Variants in VPS13C observed in about 807,000 individuals in gnomAD.
VPS13C encodes vacuolar protein sorting 13 homolog C, also known as intermembrane lipid transfer protein VPS13C.
Under a neutral mutation model 456.8 loss-of-function variants are expected in VPS13C, and 358 were observed. That is an observed-to-expected ratio of 0.78 (90% CI 0.72 to 0.86). VPS13C has a LOEUF of 0.86. Among genes scored for constraint, VPS13C ranks in the 40% least tolerant of loss-of-function variants. The pLI is 0.00. For missense variants in VPS13C, 4,818 were observed against 4,385.4 expected, an observed-to-expected ratio of 1.10 and a Z score of -2.79; for synonymous variants, 1,578 against 1,486.7, an observed-to-expected ratio of 1.06 and a Z score of -1.41.
At chr15:61,973,911 A>G (rs1231105901) in intron 25 of VPS13C, among the ~76,000 whole-genome samples, 1 of 152,082 alleles carries the variant, frequency 6.6e-6, no homozygotes, top group Non-Finnish European at 1.5e-5. Context: ...CAAAGTAGAA[A>G]TCCAACATTT....
intron 63 of VPS13C, among the ~76,000 whole-genome samples, chr15:61,911,377 T>C (rs1198335061): frequency 6.6e-6 from 1 of 152,230 alleles, no homozygotes; most frequent in Non-Finnish European, 1.5e-5. Context: ...TCCTTTTCAG[T>C]AAAGTGAGAG....
intron 37 of VPS13C, among the ~76,000 whole-genome samples, chr15:61,956,784 G>C (rs897497500): frequency 1.3e-5 from 2 of 152,094 alleles, no homozygotes; most frequent in African/African-American, 4.8e-5. Flanking sequence ...AATTTAAAAA[G>C]ATTGGCAATG....
At chr15:62,027,731 G>C (rs1057163108) in intron 6 of VPS13C, among the ~76,000 whole-genome samples, 6 of 151,904 alleles carry the variant, frequency 3.9e-5, no homozygotes, top group African/African-American at 1.5e-4. Context: ...ATACTAAAAA[G>C]TATTATTTTA....
At chr15:61,909,459 G>A (rs913936720) in intron 64 of VPS13C, among the ~76,000 whole-genome samples, 4 of 152,116 alleles carry the variant, frequency 2.6e-5, no homozygotes, top group Non-Finnish European at 2.9e-5. Context: ...AGCCCGCCTC[G>A]GCCTCCCAAA....
At chr15:61,863,720 C>T in intron 81 of VPS13C, 192 bp from the exon 82 acceptor site, 1 of 411,272 alleles carries the variant, frequency 2.4e-6, no homozygotes, top group Non-Finnish European at 4.3e-6. Flanking sequence ...CCACTGTTGC[C>T]TTAAAAGAAA....
rs1175933993 is a variant in VPS13C, at chr15:61,907,317, T to C, written c.9052A>G (p.Arg3018Gly). 1.9e-6 allele frequency: 3 copies of C among 1,614,054 alleles called. No individual in the cohort carries two copies. The Admixed American group carries it at 5.0e-5, about 27-fold the overall frequency. ...LFAWADPTGT[R>G]KLTWTYAANV... is the part of the protein sequence containing the mutation. ...GCTGCATATGTCCATGTAAGTTTTC[T>C]GGTACCAGTAGGATCTGCCCAGGCA... The change falls in exon 66 of 85, where the codon AGA (arginine) becomes GGA (glycine). Residue 3018 changes from arginine (R) to glycine (G), a missense_variant. Arg to Gly is a moderately radical substitution (Grantham distance 125, BLOSUM62 -2). Around this residue, in one of 3 missense-constraint regions of VPS13C, gnomAD observed 4,552 missense variants for 4,130.6 expected, o/e 1.10. Coordinates refer to ENST00000644861, the MANE Select transcript of VPS13C (RefSeq NM_020821.3).
intron 47 of VPS13C, among the ~76,000 whole-genome samples, chr15:61,938,865 G>A (rs1192987655): frequency 6.6e-6 from 1 of 152,022 alleles, no homozygotes; most frequent in African/African-American, 2.4e-5. Context: ...GCCTAATTTA[G>A]AGATTATTTC....
At chr15:61,951,256 CCTATGGT>C in intron 39 of VPS13C, among the ~76,000 whole-genome samples, 1 of 152,022 alleles carries the variant, frequency 6.6e-6, no homozygotes, top group Admixed American at 6.5e-5. Context: ...ACTGGTATAA[CCTATGGT>C]ACTACTGTAT....
At chr15:61,882,508 A>G (rs1596287521) in intron 69 of VPS13C, 88 bp downstream of exon 69, 2 of 1,213,910 alleles carry the variant, frequency 1.6e-6, no homozygotes, top group East Asian at 2.9e-5. Flanking sequence ...ACCAATTACA[A>G]TGTAAACTAT....
chr15:61,961,349 G>A (rs1014516347), intron 35 of VPS13C, among the ~76,000 whole-genome samples: 4 of 149,150 alleles, frequency 2.7e-5, no homozygotes, highest in East Asian at 2.0e-4. Context: ...CCGAGATCAC[G>A]CCACTGCACT....
Position 61,941,884 on chromosome 15 carries a change from T to A in VPS13C, c.5332A>T (p.Ile1778Leu), listed in dbSNP as rs1451763200. ...PQSSVSPNAV[I>L]ADLGLIRVEN... Reference sequence around the variant, plus strand: ...ACTCTGATTAAACCCAGATCTGCTATAACAGCATTAGGTGATACTGAAGAC... The same window carrying A: ...ACTCTGATTAAACCCAGATCTGCTAAAACAGCATTAGGTGATACTGAAGAC... Residue 1778 changes from isoleucine (I) to leucine (L), a missense_variant, in exon 46 of 85, where the codon ATA (isoleucine) becomes TTA (leucine). Ile to Leu is a conservative substitution (Grantham distance 5, BLOSUM62 2). Coordinates refer to ENST00000644861, the MANE Select transcript of VPS13C (RefSeq NM_020821.3). The A allele has an allele frequency of 3.7e-6, 6 of 1,614,038 alleles. No homozygotes were observed. The highest frequency in any genetic ancestry group is 3.4e-6 in the Non-Finnish European group (4 of 1,179,920).
In VPS13C at chr15:61,873,504, A is replaced by T. The variant is rs182780392; in HGVS notation, c.10415-95T>A. On this transcript the variant is annotated intron_variant, in intron 77 of 84. Coordinates refer to ENST00000644861, the MANE Select transcript of VPS13C (RefSeq NM_020821.3). ...CAAATAATCTGATTTTAAAATAGGC[A>T]AACGATCTGAATAAATATTTCTGAA... The T allele has an allele frequency of 1.1e-4, 138 of 1,203,384 alleles. No individual in the cohort carries two copies. In the East Asian group the frequency reaches 3.1e-3, roughly 27 times the overall value. 74.5% of individuals were successfully genotyped at this position (1,203,384 alleles called of 1,614,324 possible).
intron 65 of VPS13C, 76 bp from the exon 66 acceptor site, chr15:61,907,466 G>C (rs1176784156): frequency 6.5e-7 from 1 of 1,547,890 alleles, no homozygotes; most frequent in African/African-American, 1.4e-5. Context: ...TACTGAGGAA[G>C]GGATTAGCAC....
chr15:61,983,651 A>C (rs1402604992), intron 20 of VPS13C, 169 bp downstream of exon 20: 7 of 686,096 alleles, frequency 1.0e-5, no homozygotes, highest in Non-Finnish European at 1.6e-5. Context: ...ATATGAAAAA[A>C]ATCAAAATTA....
intron 45 of VPS13C, among the ~76,000 whole-genome samples, chr15:61,943,049 T>C (rs1460717222): frequency 6.6e-6 from 1 of 151,912 alleles, no homozygotes. Flanking sequence ...TACCTAGAAA[T>C]ACATCTAACC....
At position 62,042,437 on chromosome 15, in the gene VPS13C, T is replaced by C. The variant is rs146373029; in HGVS notation, c.145-1071A>G. Reference sequence around the variant, plus strand: ...AATTAACTAAAATAATCAATTTACCTAATCATCTGATTACGTCTGAATGCT... The same window carrying C: ...AATTAACTAAAATAATCAATTTACCCAATCATCTGATTACGTCTGAATGCT... On this transcript the variant is annotated intron_variant, in intron 2 of 84. Transcript: ENST00000644861. Among the ~76,000 whole-genome samples, 3 of 152,226 alleles carry C rather than the reference T, an allele frequency of 2.0e-5. No individual in the cohort carries two copies. In the East Asian group the frequency reaches 5.8e-4, roughly 29 times the overall value.
intron 18 of VPS13C, 56 bp downstream of exon 18, chr15:61,990,944 T>C (rs2046205040): frequency 9.3e-6 from 11 of 1,179,570 alleles, no homozygotes; most frequent in African/African-American, 9.2e-5. Context: ...TCTAATCCAA[T>C]TCAATCTAAT....
intron 67 of VPS13C, among the ~76,000 whole-genome samples, chr15:61,886,040 C>A (rs1896243103): frequency 6.6e-6 from 1 of 152,082 alleles, no homozygotes; most frequent in Admixed American, 6.6e-5. Context: ...GCAACTGTTC[C>A]TACTGAAAGG....
intron 39 of VPS13C, 93 bp downstream of exon 39, chr15:61,951,731 C>A: frequency 7.5e-7 from 1 of 1,336,684 alleles, no homozygotes. Context: ...GAAATTAACA[C>A]AATTGCACAG....
Sources: gnomAD v4.1 joint callset for allele counts (sites outside exome capture counted in the v4.1 genomes callset) on GRCh38, gnomAD v4.1.1 for gene constraint, gnomAD v4.1.1 regional missense constraint, MANE v1.5 for transcripts, NCBI Gene and HGNC (gene_info 2026-07-23, HGNC 2026-07-21) for gene names.